Variants in TRIM55 observed in about 807,000 individuals in gnomAD.
TRIM55 encodes the protein tripartite motif-containing protein 55.
In TRIM55, 50 loss-of-function variants were observed where a neutral mutation model predicts 60.9. The observed-to-expected ratio is 0.82, with a 90% CI of 0.65 to 1.04. The LOEUF (loss-of-function observed/expected upper bound fraction) is 1.04, where lower values mean the gene tolerates loss of function less well. TRIM55 is among the 50% of genes least tolerant of loss of function. The pLI is 0.00. For missense variants in TRIM55, 681 were observed against 666.9 expected (o/e 1.02, Z -0.23); for synonymous variants, 237 against 238.1 (o/e 1.00, Z 0.04).
the TRIM55 span, among the ~76,000 whole-genome samples, chr8:66,115,997 C>T: frequency 2.0e-5 from 3 of 152,082 alleles, no homozygotes; most frequent in Non-Finnish European, 2.9e-5. Flanking sequence ...ACCTAGAGGC[C>T]GGGCAAGCAT....
intron 9 of TRIM55, among the ~76,000 whole-genome samples, chr8:66,162,004 C>G (rs1586244885): frequency 1.3e-5 from 2 of 151,892 alleles, no homozygotes; most frequent in African/African-American, 4.8e-5. Flanking sequence ...ATTTGGATGC[C>G]TTTATTCCTT....
intron 8 of TRIM55, among the ~76,000 whole-genome samples, chr8:66,153,262 A>C (rs1247355760): frequency 1.3e-5 from 2 of 152,218 alleles, no homozygotes; most frequent in Non-Finnish European, 1.5e-5. Flanking sequence ...GTGTTGACAG[A>C]ATTGTTTAAA....
chr8:66,114,080 A>ACCCCCCCC, the TRIM55 span, among the ~76,000 whole-genome samples: 6 of 39,558 alleles, frequency 1.5e-4, no homozygotes, highest in African/African-American at 3.3e-4. Flanking sequence ...CGAAGGAGAG[A>ACCCCCCCC]CACCCCCCCC....
At position 66,174,709 on chromosome 8, in the gene TRIM55, C is replaced by T; in HGVS notation, c.*116C>T. On this transcript the variant is annotated 3_prime_UTR_variant, in exon 10 of 10. Transcript: ENST00000315962. Reference sequence around the variant, plus strand: ...TGAAAGGGACCTCTGAACAGGATTTCTGCAAAAATAGCCCCAAACTGCAAT... The same window carrying T: ...TGAAAGGGACCTCTGAACAGGATTTTTGCAAAAATAGCCCCAAACTGCAAT... 1.7e-6 allele frequency: 2 copies of T among 1,198,794 alleles called. No individual in the cohort carries two copies. The highest frequency in any genetic ancestry group is 2.2e-6 in the Non-Finnish European group (2 of 913,760). 74.3% of individuals were successfully genotyped at this position (1,198,794 alleles called of 1,614,324 possible). A position where few individuals can be genotyped will look rare whatever the true frequency, so the allele number is the denominator to read the frequency against.
intron 9 of TRIM55, among the ~76,000 whole-genome samples, chr8:66,168,163 C>G (rs1345980056): frequency 6.6e-6 from 1 of 152,154 alleles, no homozygotes; most frequent in Non-Finnish European, 1.5e-5. Context: ...TCCTAACATA[C>G]CTTGATTGCT....
At chr8:66,137,766 A>AC (rs1027058668) in intron 4 of TRIM55, among the ~76,000 whole-genome samples, 7 of 152,036 alleles carry the variant, frequency 4.6e-5, no homozygotes, top group Admixed American at 1.3e-4. Flanking sequence ...CTGAAAAAAA[A>AC]AAAAAAAAAA....
chr8:66,123,682 C>A (rs1397108063), upstream of TRIM55, among the ~76,000 whole-genome samples: 1 of 152,032 alleles, frequency 6.6e-6, no homozygotes, highest in Non-Finnish European at 1.5e-5. Context: ...ATAGCAAGAC[C>A]CTTGTCTCTG....
chr8:66,132,139 T>C (rs960410780), intron 2 of TRIM55, among the ~76,000 whole-genome samples: 1 of 152,168 alleles, frequency 6.6e-6, no homozygotes, highest in Non-Finnish European at 1.5e-5. Flanking sequence ...ATGGAGAAGC[T>C]GAGCTGAAAT....
At chr8:66,145,411 G>C (rs1381301938) in intron 4 of TRIM55, among the ~76,000 whole-genome samples, 3 of 151,916 alleles carry the variant, frequency 2.0e-5, no homozygotes, top group Non-Finnish European at 4.4e-5. Context: ...AATTAAACAA[G>C]AGAAAAAAGT....
chr8:66,160,554 G>C (rs947844457), intron 9 of TRIM55, among the ~76,000 whole-genome samples: 1 of 152,100 alleles, frequency 6.6e-6, no homozygotes, highest in Non-Finnish European at 1.5e-5. Flanking sequence ...TGGTATTGCT[G>C]GATCAAATGG....
At chr8:66,150,526 T>C (rs1810356690) in intron 7 of TRIM55, 60 bp downstream of exon 7, 1 of 1,602,466 alleles carries the variant, frequency 6.2e-7, no homozygotes, top group Non-Finnish European at 8.5e-7. Flanking sequence ...TGCCGAAGAG[T>C]TGGGTGGGAG....
At chr8:66,139,324 T>C (rs963423759) in intron 4 of TRIM55, among the ~76,000 whole-genome samples, 2 of 152,144 alleles carry the variant, frequency 1.3e-5, no homozygotes, top group African/African-American at 4.8e-5. Context: ...AGCTGGAGAA[T>C]GCACAGGAGA....
intron 2 of TRIM55, among the ~76,000 whole-genome samples, chr8:66,132,651 G>A (rs1200458391): frequency 2.0e-5 from 3 of 152,192 alleles, no homozygotes; most frequent in Non-Finnish European, 2.9e-5. Context: ...GACCACAGCT[G>A]TGAGCTTGGC....
In TRIM55 at chr8:66,175,400, T is replaced by C. The variant is rs1013054827; in HGVS notation, c.*807T>C. On this transcript the variant is annotated 3_prime_UTR_variant, in exon 10 of 10. Coordinates refer to ENST00000315962, the MANE Select transcript of TRIM55 (RefSeq NM_184085.2). ...AATATATATATATTTAAATCATGCT[T>C]TGTTAATATTTGTCCCACCATAATG... 2.0e-5 allele frequency: 3 copies of C among 152,320 alleles called. No individual in the cohort carries two copies. Among genetic ancestry groups the C allele is most frequent in the South Asian group, 4.1e-4 (2 of 4,828 alleles). 9.4% of individuals were successfully genotyped at this position (152,320 alleles called of 1,614,324 possible).
At chr8:66,122,925 T>G (rs1310071720), upstream of TRIM55, among the ~76,000 whole-genome samples, 1 of 152,202 alleles carries the variant, frequency 6.6e-6, no homozygotes, top group Non-Finnish European at 1.5e-5. Flanking sequence ...TTCTTTGAAA[T>G]ATTTTGAAAT....
At chr8:66,170,263 G>A (rs1366489853) in intron 9 of TRIM55, among the ~76,000 whole-genome samples, 2 of 152,054 alleles carry the variant, frequency 1.3e-5, no homozygotes, top group African/African-American at 4.8e-5. Flanking sequence ...CCCAGCCCCT[G>A]GTAACCATCA....
intron 2 of TRIM55, 59 bp from the exon 3 acceptor site, chr8:66,134,931 C>T: frequency 6.4e-7 from 1 of 1,570,770 alleles, no homozygotes; most frequent in Non-Finnish European, 8.7e-7. Flanking sequence ...ATCAGCTCTG[C>T]CTTGATGAGA....
At chr8:66,135,624 TAGTG>T (rs1809440684) in intron 3 of TRIM55, among the ~76,000 whole-genome samples, 3 of 146,582 alleles carry the variant, frequency 2.0e-5, no homozygotes, top group Admixed American at 1.4e-4. Context: ...CCCGCACTCT[TAGTG>T]AGGGAGGGTT....
At chr8:66,146,487 A>T (rs1241284139) in intron 4 of TRIM55, among the ~76,000 whole-genome samples, 2 of 152,224 alleles carry the variant, frequency 1.3e-5, no homozygotes, top group Non-Finnish European at 2.9e-5. Flanking sequence ...ATAAACTTGA[A>T]TGTTCTCACA....
Sources: allele counts gnomAD v4.1 joint callset (sites outside exome capture counted in the v4.1 genomes callset), GRCh38; gene constraint gnomAD v4.1.1; transcripts MANE v1.5; gene names NCBI Gene and HGNC (gene_info 2026-07-23, HGNC 2026-07-21).